The following RBFOX1 variants were observed in gnomAD, a reference collection of about 807,000 sequenced individuals.
The protein encoded by RBFOX1 is RNA binding fox-1 homolog 1.
A neutral mutation model predicts 57.7 loss-of-function variants in RBFOX1; 8 were observed. That is an observed-to-expected ratio of 0.14 (90% CI 0.08 to 0.25). The LOEUF is 0.25. Among genes scored for constraint, RBFOX1 ranks in the 10% least tolerant of loss-of-function variants. The probability of loss-of-function intolerance (pLI) is 1.00; values close to 1 mark genes in which losing one functional copy is unlikely to be tolerated. For missense variants in RBFOX1, 611 were observed against 548.5 expected (o/e 1.11, Z -1.14); for synonymous variants, 326 against 222.4 (o/e 1.47, Z -4.15).
At chr16:6,885,374 A>T (rs2153354460) in intron 3 of RBFOX1, among the ~76,000 whole-genome samples, 1 of 152,240 alleles carries the variant, frequency 6.6e-6, no homozygotes, top group South Asian at 2.1e-4. Context: ...GGGGTTGCCG[A>T]AGCATGCTCA....
At chr16:5,896,703 G>T (rs1413658964) in intron 4 of RBFOX1, among the ~76,000 whole-genome samples, 1 of 152,154 alleles carries the variant, frequency 6.6e-6, no homozygotes, top group Non-Finnish European at 1.5e-5. Flanking sequence ...TGCCTGCAGG[G>T]TTGGGGAGAA....
chr16:5,880,821 G>A (rs773515745), intron 4 of RBFOX1, among the ~76,000 whole-genome samples: 1 of 152,164 alleles, frequency 6.6e-6, no homozygotes, highest in Non-Finnish European at 1.5e-5. Context: ...TATTTATATT[G>A]AAATACATTT....
intron 4 of RBFOX1, among the ~76,000 whole-genome samples, chr16:7,304,919 TGTGTGTG>T: frequency 6.2e-4 from 1 of 1,608 alleles, no homozygotes; most frequent in Non-Finnish European, 1.1e-3. Context: ...TGGTGTGGTG[TGTGTGTG>T]TGTGTGTGTG....
intron 4 of RBFOX1, among the ~76,000 whole-genome samples, chr16:7,054,541 T>TGGTTGG (rs2051394449): frequency 2.2e-5 from 1 of 45,964 alleles, no homozygotes; most frequent in Non-Finnish European, 7.0e-5. Context: ...GCGCCAAACC[T>TGGTTGG]GGGTGGGGGG....
chr16:6,219,595 C>T (rs552784966), intron 1 of RBFOX1, among the ~76,000 whole-genome samples: 1 of 152,086 alleles, frequency 6.6e-6, no homozygotes, highest in South Asian at 2.1e-4. Flanking sequence ...TGAGAATAGG[C>T]TGAGCGTGGT....
At chr16:5,463,652 TAGCCAGACG>T (rs2068862104) in intron 1 of RBFOX1, among the ~76,000 whole-genome samples, 1 of 151,752 alleles carries the variant, frequency 6.6e-6, no homozygotes, top group Non-Finnish European at 1.5e-5. Flanking sequence ...ATACAAAAAT[TAGCCAGACG>T]TGCTGACACA....
intron 2 of RBFOX1, among the ~76,000 whole-genome samples, chr16:6,495,930 C>T (rs550397009): frequency 1.2e-4 from 18 of 152,330 alleles, no homozygotes; most frequent in African/African-American, 3.6e-4. Flanking sequence ...TTGAGCTTTT[C>T]GTTCCTCCAA....
chr16:7,605,179 A>G (rs2095236328), intron 9 of RBFOX1, among the ~76,000 whole-genome samples: 1 of 152,216 alleles, frequency 6.6e-6, no homozygotes, highest in East Asian at 1.9e-4. Context: ...AAAAAAAGGA[A>G]GCAGTGGAAT....
intron 3 of RBFOX1, among the ~76,000 whole-genome samples, chr16:5,678,700 A>G (rs368032476): frequency 6.6e-6 from 1 of 152,142 alleles, no homozygotes; most frequent in African/African-American, 2.4e-5. Flanking sequence ...CTCACTTCCC[A>G]TTGTCTTTGG....
At chr16:6,776,598 CCT>C (rs1157420076) in intron 3 of RBFOX1, among the ~76,000 whole-genome samples, 1 of 152,100 alleles carries the variant, frequency 6.6e-6, no homozygotes, top group Non-Finnish European at 1.5e-5. Flanking sequence ...ACATTTGGAG[CCT>C]CTCTATGTGG....
At chr16:5,964,305 A>T (rs1412328249) in intron 4 of RBFOX1, among the ~76,000 whole-genome samples, 2 of 152,174 alleles carry the variant, frequency 1.3e-5, no homozygotes, top group Non-Finnish European at 2.9e-5. Context: ...TGGGAATGTA[A>T]ATTGGTACAG....
chr16:6,554,751 C>G (rs75597073), intron 2 of RBFOX1, among the ~76,000 whole-genome samples: 9 of 80,018 alleles, frequency 1.1e-4, no homozygotes, highest in Non-Finnish European at 1.9e-4. Context: ...CACACACACA[C>G]ACACACAGAC....
intron 2 of RBFOX1, among the ~76,000 whole-genome samples, chr16:6,551,969 C>G (rs532180388): frequency 1.3e-5 from 2 of 152,214 alleles, no homozygotes; most frequent in Non-Finnish European, 2.9e-5. Context: ...TGCCTCTCAT[C>G]TTCTAGTCAT....
At chr16:6,610,005 C>CACAAAACAAAACAAAACAAAACAAA (rs71145259) in intron 2 of RBFOX1, among the ~76,000 whole-genome samples, 1 of 145,350 alleles carries the variant, frequency 6.9e-6, no homozygotes, top group African/African-American at 2.6e-5. Flanking sequence ...GAGGCTCTGA[C>CACAAAACAAAACAAAACAAAACAAA]ACAAAACAAA....
At chr16:6,667,694 A>G (rs1432738616) in intron 3 of RBFOX1, among the ~76,000 whole-genome samples, 1 of 152,060 alleles carries the variant, frequency 6.6e-6, no homozygotes, top group Non-Finnish European at 1.5e-5. Flanking sequence ...GAGCCTAGGC[A>G]ACATATACCC....
At chr16:6,490,922 T>C (rs1445316717) in intron 2 of RBFOX1, among the ~76,000 whole-genome samples, 1 of 152,196 alleles carries the variant, frequency 6.6e-6, no homozygotes, top group Non-Finnish European at 1.5e-5. Flanking sequence ...GTTCATTAAA[T>C]TGGCTTTTGT....
intron 2 of RBFOX1, among the ~76,000 whole-genome samples, chr16:6,534,313 G>A (rs933095362): frequency 1.3e-5 from 2 of 152,112 alleles, no homozygotes; most frequent in Admixed American, 1.3e-4. Context: ...CTCAGCAAGA[G>A]AAGTTATCCA....
intron 3 of RBFOX1, among the ~76,000 whole-genome samples, chr16:6,883,436 C>G (rs1304791780): frequency 6.6e-6 from 1 of 152,156 alleles, no homozygotes; most frequent in African/African-American, 2.4e-5. Flanking sequence ...GGTTCATAGA[C>G]ATTGTACAAG....
At chr16:6,118,387 A>T (rs2096520345) in intron 1 of RBFOX1, among the ~76,000 whole-genome samples, 1 of 152,160 alleles carries the variant, frequency 6.6e-6, no homozygotes, top group South Asian at 2.1e-4. Context: ...GGAGGATGGA[A>T]AGTCCAAAAT....
Sources: allele counts gnomAD v4.1 joint callset (sites outside exome capture counted in the v4.1 genomes callset), GRCh38; gene constraint gnomAD v4.1.1; transcripts MANE v1.5; gene names NCBI Gene and HGNC (gene_info 2026-07-23, HGNC 2026-07-21).